Variants in SCYL2 observed in about 807,000 individuals in gnomAD.
SCYL2 encodes SCY1-like protein 2.
A neutral mutation model predicts 100.4 loss-of-function variants in SCYL2; 36 were observed. That is an observed-to-expected ratio of 0.36 (90% CI 0.27 to 0.47). The LOEUF (loss-of-function observed/expected upper bound fraction) is 0.47, where lower values mean the gene tolerates loss of function less well. Ranked by LOEUF, SCYL2 falls within the 20% of genes least tolerant of loss-of-function variation. The pLI is 1.00. For synonymous variants in SCYL2, 330 were observed against 359.2 expected, an observed-to-expected ratio of 0.92 and a Z score of 0.92; for missense variants, 902 against 1,083.9, an observed-to-expected ratio of 0.83 and a Z score of 2.36.
chr12:100,283,727 A>G (rs1030087329), intron 2 of SCYL2, among the ~76,000 whole-genome samples: 1 of 152,202 alleles, frequency 6.6e-6, no homozygotes, highest in Non-Finnish European at 1.5e-5. Flanking sequence ...GTGGGTATGC[A>G]TTATTTGCTA....
In SCYL2 at chr12:100,317,747, T is replaced by C. The variant is rs1861844881; in HGVS notation, c.1273-56T>C. 3 of 1,531,692 alleles carry C rather than the reference T, an allele frequency of 2.0e-6. No homozygotes were observed. The African/African-American group carries it at 4.2e-5, about 21-fold the overall frequency. 94.9% of individuals were successfully genotyped at this position (1,531,692 alleles called of 1,614,324 possible). A position where few individuals can be genotyped will look rare whatever the true frequency, so the allele number is the denominator to read the frequency against. On this transcript the variant is annotated intron_variant, in intron 9 of 17. Coordinates refer to ENST00000360820, the MANE Select transcript of SCYL2 (RefSeq NM_017988.6). ...TTGAAGAAGCTTTACATTTGGCATA[T>C]ATTGAATCTTTTAAAGATTCCAGGT...
intron 2 of SCYL2, among the ~76,000 whole-genome samples, chr12:100,283,714 A>G (rs768884044): frequency 6.6e-6 from 1 of 152,210 alleles, no homozygotes; most frequent in Non-Finnish European, 1.5e-5. Context: ...CAGTCATACA[A>G]TTGTGGGTAT....
At position 100,282,926 on chromosome 12, in the gene SCYL2, T is replaced by A; in HGVS notation, c.-28-17T>A. The A allele has an allele frequency of 7.9e-7, 1 of 1,270,534 alleles. No homozygotes were observed. Among genetic ancestry groups the A allele is most frequent in the Non-Finnish European group, 1.1e-6 (1 of 903,100 alleles). The allele number at this position is 1,270,534 out of a possible 1,614,324, so 78.7% of individuals were successfully genotyped here. A position where few individuals can be genotyped will look rare whatever the true frequency, so the allele number is the denominator to read the frequency against. On this transcript the variant is annotated splice_polypyrimidine_tract_variant and intron_variant, in intron 1 of 17. Coordinates refer to ENST00000360820, the MANE Select transcript of SCYL2 (RefSeq NM_017988.6). ...ATAAGAAATGATCAGTTCTCCACTA[T>A]CCTTCTGTTTTTCTAGGTAACTATA...
At chr12:100,322,099 G>A (rs1341261908) in intron 10 of SCYL2, among the ~76,000 whole-genome samples, 9 of 150,024 alleles carry the variant, frequency 6.0e-5, no homozygotes, top group African/African-American at 2.2e-4. Context: ...AGGGCCGGGC[G>A]CGGTGGCTCA....
intron 12 of SCYL2, 76 bp downstream of exon 12, chr12:100,326,830 T>C: frequency 2.4e-6 from 3 of 1,227,528 alleles, no homozygotes. Flanking sequence ...ACAATTATAC[T>C]CTCCTTTCGT....
rs747410814 is a variant in SCYL2, at chr12:100,335,680, A to T, written c.1918A>T (p.Ile640Phe). Reference protein sequence around the residue: ...NVSEEMKVTNIGNQQIDKVFN... With the variant: ...NVSEEMKVTNFGNQQIDKVFN... ...TTCTGAGGAGATGAAAGTTACAAAT[A>T]TTGGGAATCAGGTAAGAAGCAGCTT... Residue 640 changes from isoleucine (I) to phenylalanine (F), a missense_variant, in exon 15 of 18, where the codon ATT becomes TTT. Ile to Phe is a conservative substitution (Grantham distance 21). Transcript: ENST00000360820. 2.5e-6 allele frequency: 4 copies of T among 1,611,320 alleles called. No homozygotes were observed. Among genetic ancestry groups the T allele is most frequent in the Non-Finnish European group, 8.5e-7 (1 of 1,178,034 alleles).
chr12:100,294,422 G>A (rs1391112217), intron 3 of SCYL2, among the ~76,000 whole-genome samples: 54 of 102,156 alleles, frequency 5.3e-4, no homozygotes, highest in South Asian at 1.5e-3. Flanking sequence ...GCGGCTGGCC[G>A]GGCGGGGGGG....
At chr12:100,330,836 T>C (rs1225442792) in intron 13 of SCYL2, among the ~76,000 whole-genome samples, 2 of 150,382 alleles carry the variant, frequency 1.3e-5, no homozygotes, top group Non-Finnish European at 3.0e-5. Flanking sequence ...TTTTCTTTTT[T>C]TTTTTTTTTT....
At chr12:100,280,929 CTA>C (rs1229885027) in intron 1 of SCYL2, among the ~76,000 whole-genome samples, 8 of 150,990 alleles carry the variant, frequency 5.3e-5, no homozygotes, top group Middle Eastern at 3.4e-3. Context: ...ATTAATGACA[CTA>C]GTCATTAATA....
chr12:100,315,454 C>A, intron 8 of SCYL2, 104 bp from the exon 9 acceptor site: 1 of 868,942 alleles, frequency 1.2e-6, no homozygotes, highest in Non-Finnish European at 1.6e-6. Flanking sequence ...ATTGTATCGT[C>A]ACGTTACCTA....
chr12:100,326,822 A>G, intron 12 of SCYL2, 68 bp downstream of exon 12: 2 of 1,322,584 alleles, frequency 1.5e-6, no homozygotes, highest in African/African-American at 1.5e-5. Context: ...TCTATAAAAC[A>G]ATTATACTCT....
chr12:100,288,560 G>A (rs1025650544), intron 2 of SCYL2, among the ~76,000 whole-genome samples: 10 of 152,106 alleles, frequency 6.6e-5, no homozygotes, highest in Non-Finnish European at 1.5e-4. Flanking sequence ...CTTGAGCTGA[G>A]CACGGTGGCT....
chr12:100,268,862 C>T (rs980453085), intron 1 of SCYL2, among the ~76,000 whole-genome samples: 1 of 152,124 alleles, frequency 6.6e-6, no homozygotes, highest in Non-Finnish European at 1.5e-5. Context: ...TTTGACAATT[C>T]CTCTGTCGTG....
intron 4 of SCYL2, among the ~76,000 whole-genome samples, chr12:100,307,441 A>G (rs1001825648): frequency 2.0e-5 from 3 of 152,214 alleles, no homozygotes; most frequent in African/African-American, 7.2e-5. Flanking sequence ...GGCTAGCCAC[A>G]TGCAGAAAAC....
chr12:100,340,634 A>G lies in SCYL2; in HGVS notation c.*1462A>G, dbSNP rs1952341349. The G allele has an allele frequency of 1.3e-5, 2 of 152,074 alleles. No individual in the cohort carries two copies. The highest frequency in any genetic ancestry group is 1.3e-4 in the Admixed American group (2 of 15,274). The allele number at this position is 152,074 out of a possible 1,614,324, so 9.4% of individuals were successfully genotyped here. On this transcript the variant is annotated 3_prime_UTR_variant, in exon 18 of 18. Coordinates refer to ENST00000360820, the MANE Select transcript of SCYL2 (RefSeq NM_017988.6). ...CAATATATGTAATACACAGCACTTG[A>G]TTACAAAATGTAATTTAATTATATT...
rs142800392 is a variant in SCYL2, at chr12:100,322,897, G to A, written c.1396-628G>A. 4.4e-3 allele frequency among the ~76,000 whole-genome samples: 668 copies of A among 151,332 alleles called. 5 individuals are homozygous for A. Among genetic ancestry groups the A allele is most frequent in the South Asian group, 7.1e-3 (34 of 4,786 alleles). ...AAAAAAATTAGCTGGGCATGATGGCGTGTACCTGTAGTCCCAGCTACTCAG... is the reference window on the plus strand; with the variant it reads ...AAAAAAATTAGCTGGGCATGATGGCATGTACCTGTAGTCCCAGCTACTCAG... On this transcript the variant is annotated intron_variant, in intron 10 of 17. Transcript: ENST00000360820.
At chr12:100,315,945 C>T (rs780955994) in intron 9 of SCYL2, among the ~76,000 whole-genome samples, 1 of 152,294 alleles carries the variant, frequency 6.6e-6, no homozygotes, top group Middle Eastern at 3.4e-3. Context: ...CTGTAGCTCT[C>T]CATAAGTTAC....
intron 1 of SCYL2, among the ~76,000 whole-genome samples, chr12:100,270,421 C>G (rs946194977): frequency 6.6e-6 from 1 of 151,956 alleles, no homozygotes; most frequent in African/African-American, 2.4e-5. Context: ...AACTGTCACC[C>G]CTCTGCTACT....
chr12:100,319,215 T>C (rs1369393893), intron 10 of SCYL2: 2 of 455,882 alleles, frequency 4.4e-6, no homozygotes, highest in African/African-American at 4.0e-5. Flanking sequence ...TTTTTTTCCT[T>C]ATAATTAGAT....
Sources: allele counts gnomAD v4.1 joint callset (sites outside exome capture counted in the v4.1 genomes callset), GRCh38; gene constraint gnomAD v4.1.1; transcripts MANE v1.5; gene names NCBI Gene and HGNC (gene_info 2026-07-23, HGNC 2026-07-21).